TSPAN16: variants seen among roughly 807,000 people sequenced by gnomAD.
TSPAN16 encodes the protein tetraspanin 16.
A neutral mutation model predicts 25.2 loss-of-function variants in TSPAN16; 23 were observed. That is an observed-to-expected ratio of 0.91 (90% CI 0.66 to 1.29). TSPAN16 has a LOEUF of 1.29. Ranked by LOEUF, TSPAN16 falls within the 50% of genes most tolerant of loss-of-function variation. TSPAN16 has a pLI of 0.00. For missense variants in TSPAN16, 272 were observed against 299.9 expected (o/e 0.91, Z 0.69); for synonymous variants, 123 against 124.4 (o/e 0.99, Z 0.08).
chr19:11,308,574 C>A (rs1443364572), intron 5 of TSPAN16, among the ~76,000 whole-genome samples: 1 of 151,808 alleles, frequency 6.6e-6, no homozygotes, highest in Non-Finnish European at 1.5e-5. Context: ...AGGTTCATGC[C>A]ATTCTCCTGC....
chr19:11,314,100 T>C (rs2080721216), intron 6 of TSPAN16, among the ~76,000 whole-genome samples: 1 of 152,238 alleles, frequency 6.6e-6, no homozygotes, highest in South Asian at 2.1e-4. Context: ...CCAGTCATGA[T>C]ATTATATGAT....
At chr19:11,301,113 C>T in intron 3 of TSPAN16, 88 bp from the exon 4 acceptor site, 2 of 1,110,726 alleles carry the variant, frequency 1.8e-6, no homozygotes, top group South Asian at 1.3e-5. Context: ...GACGCTCCCA[C>T]CTCCCACTCT....
rs771425059 is a variant in TSPAN16 at position 11,306,720 on chromosome 19, C to T, written c.567C>T (p.Asp189=). 1.1e-5 allele frequency: 18 copies of T among 1,613,962 alleles called. No homozygotes were observed. Among genetic ancestry groups the T allele is most frequent in the Middle Eastern group, 1.6e-4 (1 of 6,068 alleles). ...CCKSIGSVSC[D]GRDVSPNVIH... ...AATCCATCGGAAGTGTGTCCTGTGA[C>T]GGACGCGATGTGTCTCCAAACGTCA... The change falls in exon 5 of 7, where the codon GAC becomes GAT. Residue 189 remains aspartate, a synonymous_variant. Coordinates refer to ENST00000590327, the MANE Select transcript of TSPAN16 (RefSeq NM_001282509.2).
downstream of TSPAN16, among the ~76,000 whole-genome samples, chr19:11,318,461 G>C (rs202148222): frequency 3.0e-4 from 42 of 138,678 alleles, no homozygotes; most frequent in East Asian, 8.5e-3. Flanking sequence ...CGCCCGGCCA[G>C]ATCCTGATCT....
rs750151278 is a variant in TSPAN16, at chr19:11,312,233, G to C, written c.687+11G>C. 1 of 1,598,940 alleles carries C rather than the reference G, an allele frequency of 6.3e-7. No homozygotes were observed. The highest frequency in any genetic ancestry group is 1.3e-5 in the African/African-American group (1 of 74,272). On this transcript the variant is annotated intron_variant, in intron 6 of 6. Transcript: ENST00000590327. ...GCTGCAGTGATACAGGTAAGACCCAGCCTCTCTAGGGTCTTTGAGCTGTTT... is the reference window on the plus strand; with the variant it reads ...GCTGCAGTGATACAGGTAAGACCCACCCTCTCTAGGGTCTTTGAGCTGTTT...
Position 11,298,165 on chromosome 19 carries a change from C to G in TSPAN16, c.93C>G (p.Gly31=). 6.2e-7 allele frequency: 1 copy of G among 1,614,130 alleles called. No homozygotes were observed. The highest frequency in any genetic ancestry group is 1.3e-5 in the African/African-American group (1 of 75,036). ...FVAVSGIILV[G]LGIGGKCGGA... The stretch of plus-strand genomic sequence containing the variant: ...AGGTGTCTGGCATCATCCTAGTTGG[C>G]CTGGGCATTGGTGGTAAATGTGGAG... The change falls in exon 2 of 7, where the codon GGC becomes GGG. Residue 31 remains glycine (G), a synonymous_variant. Transcript: ENST00000590327.
At chr19:11,318,327 A>G (rs971858812), downstream of TSPAN16, among the ~76,000 whole-genome samples, 6 of 151,724 alleles carry the variant, frequency 4.0e-5, no homozygotes, top group Admixed American at 3.3e-4. Context: ...ACCCAGCCTA[A>G]TTTTTTGTAT....
rs1398746421 is a variant in TSPAN16 at position 11,302,676 on chromosome 19, T to TAC, written c.450+1369_450+1370insCA. Among the ~76,000 whole-genome samples the TAC allele has an allele frequency of 1.2e-3, 158 of 128,376 alleles. 1 individual carries two copies. The highest frequency in any genetic ancestry group is 1.9e-3 in the African/African-American group (49 of 25,170). 84.2% of individuals were successfully genotyped at this position (128,376 alleles called of 152,430 possible). ...ATACACATACATATATATATATATA[T>TAC]ATACACACACACACACACACACACA... On this transcript the variant is annotated intron_variant, in intron 4 of 6. Coordinates refer to ENST00000590327, the MANE Select transcript of TSPAN16 (RefSeq NM_001282509.2).
intron 1 of TSPAN16, among the ~76,000 whole-genome samples, chr19:11,296,901 G>A (rs2080484559): frequency 6.6e-6 from 1 of 152,060 alleles, no homozygotes; most frequent in Non-Finnish European, 1.5e-5. Flanking sequence ...TTAGATGGGC[G>A]TGGTGGCACG....
intron 6 of TSPAN16, among the ~76,000 whole-genome samples, chr19:11,312,953 CTAGA>C (rs1452361678): frequency 6.6e-6 from 1 of 151,966 alleles, no homozygotes; most frequent in East Asian, 1.9e-4. Context: ...AGACAAATTC[CTAGA>C]TAAACATAAA....
chr19:11,304,102 A>G (rs2080599929), intron 4 of TSPAN16, among the ~76,000 whole-genome samples: 1 of 151,510 alleles, frequency 6.6e-6, no homozygotes, highest in African/African-American at 2.4e-5. Flanking sequence ...TATTTTGATC[A>G]TTGCCATCCT....
In TSPAN16 at chr19:11,296,284, C is replaced by G; in HGVS notation, c.-14C>G. 2 of 1,613,516 alleles carry G rather than the reference C, an allele frequency of 1.2e-6. No homozygotes were observed. The highest frequency in any genetic ancestry group is 1.7e-6 in the Non-Finnish European group (2 of 1,179,652). On this transcript the variant is annotated 5_prime_UTR_variant, in exon 1 of 7. Coordinates refer to ENST00000590327, the MANE Select transcript of TSPAN16 (RefSeq NM_001282509.2). ...TGTTAACTTAAATGTTCAGGGTGCC[C>G]CAGTCTGTTCAGCATGGCTGAAATC...
At chr19:11,305,073 T>A (rs766292524) in intron 4 of TSPAN16, among the ~76,000 whole-genome samples, 7 of 152,208 alleles carry the variant, frequency 4.6e-5, no homozygotes, top group Non-Finnish European at 8.8e-5. Flanking sequence ...CATGAGTCAC[T>A]GCAACTGGCT....
At position 11,315,954 on chromosome 19, in the gene TSPAN16, A is replaced by C. The variant is rs1354369597; in HGVS notation, c.*116A>C. ...CTGGAGGGGAGACTGTTAATAAAAGATTTGGGAACCCCCTGTCCAGCCTGA... is the reference window on the plus strand; with the variant it reads ...CTGGAGGGGAGACTGTTAATAAAAGCTTTGGGAACCCCCTGTCCAGCCTGA... On this transcript the variant is annotated 3_prime_UTR_variant, in exon 7 of 7. Transcript: ENST00000590327. 1 of 1,229,260 alleles carries C rather than the reference A, an allele frequency of 8.1e-7. No homozygotes were observed. Among genetic ancestry groups the C allele is most frequent in the Non-Finnish European group, 1.0e-6 (1 of 986,434 alleles). 76.1% of individuals were successfully genotyped at this position (1,229,260 alleles called of 1,614,324 possible). A position where few individuals can be genotyped will look rare whatever the true frequency, so the allele number is the denominator to read the frequency against.
intron 4 of TSPAN16, among the ~76,000 whole-genome samples, chr19:11,304,398 A>G (rs760070463): frequency 6.6e-6 from 1 of 151,692 alleles, no homozygotes; most frequent in African/African-American, 2.4e-5. Flanking sequence ...GCTGGAGTTC[A>G]GTGGCGCAAT....
At chr19:11,312,337 A>G (rs2147953442) in intron 6 of TSPAN16, 115 bp downstream of exon 6, 3 of 544,964 alleles carry the variant, frequency 5.5e-6, no homozygotes, top group East Asian at 3.1e-5. Context: ...AAAAAAAAAA[A>G]AAGAAACTCA....
chr19:11,303,254 T>TA (rs1308733124), intron 4 of TSPAN16, among the ~76,000 whole-genome samples: 106 of 142,076 alleles, frequency 7.5e-4, no homozygotes, highest in African/African-American at 3.0e-3. Context: ...TCTGTGACCT[T>TA]ACCCCCAACC....
chr19:11,300,994 C>A (rs748700246), intron 3 of TSPAN16: 3 of 536,312 alleles, frequency 5.6e-6, no homozygotes, highest in African/African-American at 3.8e-5. Context: ...TCCAGACCCA[C>A]GCGTCTCCCT....
chr19:11,305,880 A>G (rs1193510863), intron 4 of TSPAN16, among the ~76,000 whole-genome samples: 1 of 152,204 alleles, frequency 6.6e-6, no homozygotes, highest in East Asian at 1.9e-4. Flanking sequence ...GAGATGGGCA[A>G]TCTCTGGTTC....
Sources: gnomAD v4.1 joint callset for allele counts (sites outside exome capture counted in the v4.1 genomes callset) on GRCh38, gnomAD v4.1.1 for gene constraint, MANE v1.5 for transcripts, NCBI Gene and HGNC (gene_info 2026-07-23, HGNC 2026-07-21) for gene names.